Variants in UBR4 observed in about 807,000 individuals in gnomAD.
The protein encoded by UBR4 is E3 ubiquitin-protein ligase UBR4.
Under a neutral mutation model 575.6 loss-of-function variants are expected in UBR4, and 124 were observed. The observed-to-expected ratio is 0.22, with a 90% CI of 0.19 to 0.25. UBR4 has a LOEUF of 0.25. UBR4 is among the 10% of genes least tolerant of loss of function. The pLI, the probability that UBR4 is intolerant of heterozygous loss-of-function variation, is 1.00. For synonymous variants in UBR4, 2,455 were observed against 2,473.7 expected (o/e 0.99, Z 0.22); for missense variants, 4,818 against 6,478.8 (o/e 0.74, Z 8.80).
Position 19,192,236 on chromosome 1 carries a change from G to C in UBR4, c.1346C>G (p.Ser449Cys). ...LAALRVRDIL[S>C]RTKEGVGSPK... ...GGAGCCCACTCCCTCTTTAGTACGA[G>C]AAAGGATGTCTCTGACTCGGAGGGC... Residue 449 changes from serine to cysteine, a missense_variant, in exon 11 of 106, where the codon TCT (serine) becomes TGT (cysteine). Physicochemically the swap from Ser to Cys is moderately radical, Grantham distance 112. This residue lies in a region of UBR4 where 162 missense variants were observed against 216.4 expected (regional missense o/e 0.75). Coordinates refer to ENST00000375254, the MANE Select transcript of UBR4 (RefSeq NM_020765.3). 2 of 1,614,166 alleles carry C rather than the reference G, an allele frequency of 1.2e-6. No homozygotes were observed. The highest frequency in any genetic ancestry group is 1.7e-6 in the Non-Finnish European group (2 of 1,180,020).
chr1:19,113,755 G>C lies in UBR4; in HGVS notation c.11401C>G (p.Gln3801Glu), dbSNP rs1359019114. The C allele has an allele frequency of 1.9e-6, 3 of 1,614,060 alleles. No homozygotes were observed. The highest frequency in any genetic ancestry group is 2.7e-5 in the African/African-American group (2 of 74,928). Residue 3801 changes from glutamine (Q) to glutamate (E), a missense_variant, in exon 77 of 106, where the codon CAG (glutamine) becomes GAG (glutamate). Transcript: ENST00000375254. The stretch of plus-strand genomic sequence containing the variant: ...TTCTTGCAGTCTCCACAATACTCCT[G>C]AGCCAACTGCAGGATGTAACGATTC... The part of the protein sequence containing the change: ...SVNRYILQLA[Q>E]EYCGDCKNSF...
chr1:19,097,166 G>A, intron 91 of UBR4, 27 bp downstream of exon 91: 1 of 1,592,110 alleles, frequency 6.3e-7, no homozygotes, highest in Non-Finnish European at 8.5e-7. Flanking sequence ...CCAAGCCTCA[G>A]ATCCAATGTG....
chr1:19,167,481 G>A (rs777031664), intron 28 of UBR4, among the ~76,000 whole-genome samples: 7 of 151,974 alleles, frequency 4.6e-5, no homozygotes, highest in East Asian at 1.9e-4. Flanking sequence ...TTATTAAAAC[G>A]TCAAATTAAT....
At chr1:19,143,230 GGAAGGCA>G in intron 55 of UBR4, among the ~76,000 whole-genome samples, 1 of 102,994 alleles carries the variant, frequency 9.7e-6, no homozygotes, top group African/African-American at 3.6e-5. Flanking sequence ...AAGGAAGGAA[GGAAGGCA>G]GGAAGGAAGG....
In UBR4 at chr1:19,166,613, C is replaced by T. The variant is rs1198532154; in HGVS notation, c.4109+409G>A. 2.0e-5 allele frequency among the ~76,000 whole-genome samples: 3 copies of T among 150,624 alleles called. No homozygotes were observed. The East Asian group carries it at 5.9e-4, about 29-fold the overall frequency. ...AATAAGCTGGCCATGTGTGGTGGCT[C>T]ACGCCTGTAATCCCAGCATTTTGGG... On this transcript the variant is annotated intron_variant, in intron 29 of 105. Coordinates refer to ENST00000375254, the MANE Select transcript of UBR4 (RefSeq NM_020765.3).
rs1308608775 is a variant in UBR4, at chr1:19,206,403, G to GC, written c.176+3669dup. Among the ~76,000 whole-genome samples the GC allele has an allele frequency of 2.0e-5, 3 of 151,690 alleles. No homozygotes were observed. In the East Asian group the frequency reaches 5.8e-4, roughly 29 times the overall value. On this transcript the variant is annotated intron_variant, in intron 1 of 105. Coordinates refer to ENST00000375254, the MANE Select transcript of UBR4 (RefSeq NM_020765.3). ...AGCAATGGTGCGATCTCAGCTCACT[G>GC]CAACTTTCGCCTCCCTGGTTCAATC...
In UBR4 at chr1:19,100,662, AAC is replaced by A; in HGVS notation, c.13024-91_13024-90del. 1 of 1,254,916 alleles carries A rather than the reference AAC, an allele frequency of 8.0e-7. No individual in the cohort carries two copies. The highest frequency in any genetic ancestry group is 1.1e-6 in the Non-Finnish European group (1 of 876,372). 77.7% of individuals were successfully genotyped at this position (1,254,916 alleles called of 1,614,324 possible). On this transcript the variant is annotated intron_variant, in intron 88 of 105. Transcript: ENST00000375254. This position sits in a 1 kb window ranked among gnomAD's most constrained non-coding sequence, Gnocchi z 4.2. ...CCTTGTTCCATGGACACTCGAGGAA[AAC>A]ACACCAAACTCAGCAAGCCCCCCAA...
rs1038039953 is a variant in UBR4 at position 19,081,990 on chromosome 1, C to CA, written c.15009-418dup. ...GAGTGATGGGGCCAAAAACATGAATCAAGATTCCCTGGTGGGTCCACAGCC... is the reference window on the plus strand; with the variant it reads ...GAGTGATGGGGCCAAAAACATGAATCAAAGATTCCCTGGTGGGTCCACAGCC... On this transcript the variant is annotated intron_variant, in intron 102 of 105. Coordinates refer to ENST00000375254, the MANE Select transcript of UBR4 (RefSeq NM_020765.3). 25 of 584,602 alleles carry CA rather than the reference C, an allele frequency of 4.3e-5. No homozygotes were observed. In the Middle Eastern group the frequency reaches 1.9e-3, roughly 44 times the overall value. The allele number at this position is 584,602 out of a possible 1,614,324, so 36.2% of individuals were successfully genotyped here. A position where few individuals can be genotyped will look rare whatever the true frequency, so the allele number is the denominator to read the frequency against.
In UBR4 at chr1:19,197,762, T is replaced by C. The variant is rs772256946; in HGVS notation, c.801A>G (p.Leu267=). ...LRVCLNLPYF[L]RYINRFQDAV... ...CATCTTGGAACCGATTGATATAGCG[T>C]AGGAAATATGGCAGGTTCAAACATA... is the stretch of plus-strand genomic sequence containing the variant. Residue 267 remains leucine (L), a synonymous_variant, in exon 7 of 106, where the codon CTA becomes CTG. Coordinates refer to ENST00000375254, the MANE Select transcript of UBR4 (RefSeq NM_020765.3). 1.2e-5 allele frequency: 19 copies of C among 1,614,026 alleles called. No homozygotes were observed. Among genetic ancestry groups the C allele is most frequent in the African/African-American group, 2.7e-5 (2 of 74,914 alleles).
intron 11 of UBR4, among the ~76,000 whole-genome samples, chr1:19,188,030 T>TTAAA (rs34415262): frequency 0.41 from 57,942 of 140,738 alleles, 12,214 homozygotes; most frequent in East Asian, 0.51. Flanking sequence ...AAACAAAAAA[T>TTAAA]TAAATAAATA....
chr1:19,145,761 T>C, intron 53 of UBR4, 32 bp downstream of exon 53: 1 of 1,607,428 alleles, frequency 6.2e-7, no homozygotes, highest in East Asian at 2.2e-5. Flanking sequence ...TCAGGCTTCA[T>C]TACCAAGATT....
At position 19,148,554 on chromosome 1, in the gene UBR4, G is replaced by C; in HGVS notation, c.7494+9C>G. On this transcript the variant is annotated intron_variant, in intron 50 of 105. Transcript: ENST00000375254. ...GAAAGCTTCCATGTGCTTTGAAAAAGTGACTTGCCTTCTCGATGATTGGGC... is the reference window on the plus strand; with the variant it reads ...GAAAGCTTCCATGTGCTTTGAAAAACTGACTTGCCTTCTCGATGATTGGGC... 6.2e-7 allele frequency: 1 copy of C among 1,614,210 alleles called. No individual in the cohort carries two copies. The highest frequency in any genetic ancestry group is 8.5e-7 in the Non-Finnish European group (1 of 1,180,030).
chr1:19,106,740 G>A lies in UBR4; in HGVS notation c.12236-14C>T, dbSNP rs200222571. On this transcript the variant is annotated splice_polypyrimidine_tract_variant and intron_variant, in intron 82 of 105. Transcript: ENST00000375254. ...TGCCATCTATCCCTGCAAGGCCAAGGGTTGCAGGGGTAGTAGGTAAGTAAA... is the reference window on the plus strand; with the variant it reads ...TGCCATCTATCCCTGCAAGGCCAAGAGTTGCAGGGGTAGTAGGTAAGTAAA... The A allele has an allele frequency of 3.1e-3, 4,957 of 1,596,844 alleles. 14 individuals carry two copies. The highest frequency in any genetic ancestry group is 3.9e-3 in the Admixed American group (234 of 59,266).
intron 97 of UBR4, 37 bp downstream of exon 97, chr1:19,092,781 AC>A: frequency 1.3e-6 from 2 of 1,526,718 alleles, no homozygotes; most frequent in South Asian, 1.2e-5. Context: ...TTATACTTGT[AC>A]CCCTGTACCC....
intron 52 of UBR4, 161 bp from the exon 53 acceptor site, chr1:19,146,094 G>T: frequency 1.3e-6 from 2 of 1,549,812 alleles, no homozygotes; most frequent in Non-Finnish European, 1.7e-6. Flanking sequence ...GGCACATCTA[G>T]GAAAAAAACA....
At position 19,153,192 on chromosome 1, in the gene UBR4, G is replaced by C; in HGVS notation, c.6832+109C>G. ...GAAATTAACTTTACAAAATGTGCAA[G>C]TAGGACAGTCACATTTCTTCACAGA... On this transcript the variant is annotated intron_variant, in intron 46 of 105. Transcript: ENST00000375254. This position sits in a 1 kb window ranked among gnomAD's most constrained non-coding sequence, Gnocchi z 4.1. 2 of 1,268,162 alleles carry C rather than the reference G, an allele frequency of 1.6e-6. No individual in the cohort carries two copies. The highest frequency in any genetic ancestry group is 2.2e-6 in the Non-Finnish European group (2 of 896,376). 78.6% of individuals were successfully genotyped at this position (1,268,162 alleles called of 1,614,324 possible).
In UBR4 at chr1:19,199,885, G is replaced by C. The variant is rs1169550905; in HGVS notation, c.275-131C>G. 2.6e-5 allele frequency: 20 copies of C among 772,990 alleles called. No individual in the cohort carries two copies. In the East Asian group the frequency reaches 5.0e-4, roughly 19 times the overall value. The allele number at this position is 772,990 out of a possible 1,614,324, so 47.9% of individuals were successfully genotyped here. A position where few individuals can be genotyped will look rare whatever the true frequency, so the allele number is the denominator to read the frequency against. On this transcript the variant is annotated intron_variant, in intron 2 of 105. Coordinates refer to ENST00000375254, the MANE Select transcript of UBR4 (RefSeq NM_020765.3). Reference sequence around the variant, plus strand: ...CAATTATTCAGAGCCAAAAACCCAAGGGGTAAACAAAGGCATTTTGACATC... The same window carrying C: ...CAATTATTCAGAGCCAAAAACCCAACGGGTAAACAAAGGCATTTTGACATC...
chr1:19,166,882 C>T (rs987553518), intron 29 of UBR4, 140 bp downstream of exon 29: 8 of 954,190 alleles, frequency 8.4e-6, no homozygotes, highest in Admixed American at 2.5e-5. Flanking sequence ...GGCGACAGAG[C>T]GAGACCATGT....
At chr1:19,103,877 T>C (rs1361903321) in intron 87 of UBR4, among the ~76,000 whole-genome samples, 1 of 152,164 alleles carries the variant, frequency 6.6e-6, no homozygotes. Flanking sequence ...AAGCTCAACA[T>C]GAAAAATCCA....
Sources: gnomAD v4.1 joint callset for allele counts (sites outside exome capture counted in the v4.1 genomes callset) on GRCh38, gnomAD v4.1.1 for gene constraint, gnomAD v4.1.1 regional missense constraint, Gnocchi (gnomAD v3.1) non-coding constraint, MANE v1.5 for transcripts, NCBI Gene and HGNC (gene_info 2026-07-23, HGNC 2026-07-21) for gene names.